Variants in NLGN1 observed in about 807,000 individuals in gnomAD.
The protein encoded by NLGN1 is neuroligin 1.
A neutral mutation model predicts 65.5 loss-of-function variants in NLGN1; 12 were observed. The observed-to-expected ratio is 0.18, with a 90% CI of 0.12 to 0.30. The LOEUF is 0.30. NLGN1 is among the 10% of genes least tolerant of loss of function. NLGN1 has a pLI of 1.00. For synonymous variants in NLGN1, 350 were observed against 359.5 expected (o/e 0.97, Z 0.30); for missense variants, 750 against 1,007.1 (o/e 0.74, Z 3.46).
chr3:173,404,727 C>T (rs1004253180), intron 1 of NLGN1, among the ~76,000 whole-genome samples: 1 of 152,078 alleles, frequency 6.6e-6, no homozygotes. Flanking sequence ...GTTTATTTCA[C>T]AAATCCATTG....
At chr3:173,860,629 T>C (rs1728865007) in intron 4 of NLGN1, among the ~76,000 whole-genome samples, 1 of 152,190 alleles carries the variant, frequency 6.6e-6, no homozygotes, top group Non-Finnish European at 1.5e-5. Context: ...TTGCCCTTGT[T>C]AACAGTGTGA....
At chr3:174,272,974 T>C (rs1423231735) in intron 4 of NLGN1, among the ~76,000 whole-genome samples, 1 of 151,506 alleles carries the variant, frequency 6.6e-6, no homozygotes, top group East Asian at 1.9e-4. Flanking sequence ...AGACTGTATA[T>C]AAAGTAGAAG....
At chr3:173,699,076 A>AAAT (rs1766701905) in intron 3 of NLGN1, among the ~76,000 whole-genome samples, 1 of 151,842 alleles carries the variant, frequency 6.6e-6, no homozygotes, top group Non-Finnish European at 1.5e-5. Flanking sequence ...GGCTGGTCTC[A>AAAT]AATTCCCGAC....
intron 2 of NLGN1, among the ~76,000 whole-genome samples, chr3:173,463,444 A>G (rs1016620890): frequency 1.3e-5 from 2 of 152,182 alleles, no homozygotes; most frequent in African/African-American, 4.8e-5. Context: ...CTTGTGGTAC[A>G]TTCAGTTCCA....
chr3:173,525,917 C>T (rs1399086477), intron 2 of NLGN1, among the ~76,000 whole-genome samples: 2 of 151,942 alleles, frequency 1.3e-5, no homozygotes, highest in Non-Finnish European at 2.9e-5. Context: ...TTCAGAGTTC[C>T]TTTCTGGTAT....
intron 4 of NLGN1, among the ~76,000 whole-genome samples, chr3:173,809,508 C>G (rs1415248880): frequency 6.6e-6 from 1 of 152,064 alleles, no homozygotes. Context: ...AATTGAAATG[C>G]TAAATTATGG....
intron 4 of NLGN1, among the ~76,000 whole-genome samples, chr3:174,161,353 G>A (rs1270944332): frequency 1.3e-5 from 2 of 151,814 alleles, no homozygotes; most frequent in Admixed American, 1.3e-4. Context: ...CAGATAGAAG[G>A]AGCAAAATAT....
At chr3:173,671,280 G>T (rs1041991257) in intron 3 of NLGN1, among the ~76,000 whole-genome samples, 1 of 152,118 alleles carries the variant, frequency 6.6e-6, no homozygotes, top group Non-Finnish European at 1.5e-5. Flanking sequence ...ACCATGGATT[G>T]CGTGAGCCCA....
chr3:173,555,806 T>G (rs1327362527), intron 2 of NLGN1, among the ~76,000 whole-genome samples: 4 of 152,164 alleles, frequency 2.6e-5, no homozygotes, highest in African/African-American at 4.8e-5. Flanking sequence ...GATATCAGGA[T>G]TATACATAAA....
intron 4 of NLGN1, chr3:174,180,905 TG>T (rs1730283471): frequency 7.2e-6 from 1 of 139,374 alleles, no homozygotes; most frequent in Non-Finnish European, 1.5e-5. Context: ...CTTGCTTCTT[TG>T]GGGGAAAAAA....
chr3:174,195,795 A>C (rs989368974), intron 4 of NLGN1, among the ~76,000 whole-genome samples: 10 of 152,090 alleles, frequency 6.6e-5, no homozygotes, highest in African/African-American at 2.2e-4. Context: ...TGGAGAAAAA[A>C]AAACTGCCTT....
At chr3:174,223,680 G>A (rs1430516943) in intron 4 of NLGN1, among the ~76,000 whole-genome samples, 2 of 152,108 alleles carry the variant, frequency 1.3e-5, no homozygotes, top group African/African-American at 4.8e-5. Context: ...TATCTTATAT[G>A]TACCTTTTTA....
upstream of NLGN1, chr3:173,398,038 C>T (rs1338952248): frequency 6.6e-6 from 1 of 152,244 alleles, no homozygotes; most frequent in African/African-American, 2.4e-5. Flanking sequence ...ACCACAGAGA[C>T]CAAGAGCATG....
At chr3:174,202,995 C>T (rs1734763324) in intron 4 of NLGN1, among the ~76,000 whole-genome samples, 1 of 151,956 alleles carries the variant, frequency 6.6e-6, no homozygotes, top group South Asian at 2.1e-4. Flanking sequence ...TTTATTTATT[C>T]ATTCATTCAT....
chr3:173,861,563 CACACACACATATATAT>C (rs1560512032), intron 4 of NLGN1, among the ~76,000 whole-genome samples: 3 of 142,752 alleles, frequency 2.1e-5, no homozygotes, highest in Middle Eastern at 4.0e-3. Flanking sequence ...TGTGTATATA[CACACACACATATATAT>C]ACACACACAT....
At chr3:174,244,688 G>A (rs1404921772) in intron 4 of NLGN1, among the ~76,000 whole-genome samples, 1 of 152,114 alleles carries the variant, frequency 6.6e-6, no homozygotes, top group Non-Finnish European at 1.5e-5. Context: ...TGTAAAATAG[G>A]TATATTGAGT....
intron 2 of NLGN1, among the ~76,000 whole-genome samples, chr3:173,475,951 G>T (rs968382103): frequency 6.6e-6 from 1 of 152,166 alleles, no homozygotes; most frequent in Non-Finnish European, 1.5e-5. Flanking sequence ...GAGATGAAAG[G>T]AAGGAAGCAA....
intron 4 of NLGN1, among the ~76,000 whole-genome samples, chr3:173,960,080 G>A (rs1713164325): frequency 6.6e-6 from 1 of 151,944 alleles, no homozygotes; most frequent in Non-Finnish European, 1.5e-5. Context: ...TTAATATAGT[G>A]CTCTTCAGTT....
intron 3 of NLGN1, among the ~76,000 whole-genome samples, chr3:173,658,173 C>G (rs1560118393): frequency 6.6e-6 from 1 of 151,906 alleles, no homozygotes; most frequent in Non-Finnish European, 1.5e-5. Flanking sequence ...CAAGGCACCC[C>G]ATATAAAACT....
Sources: gnomAD v4.1 joint callset for allele counts (sites outside exome capture counted in the v4.1 genomes callset) on GRCh38, gnomAD v4.1.1 for gene constraint, MANE v1.5 for transcripts, NCBI Gene and HGNC (gene_info 2026-07-23, HGNC 2026-07-21) for gene names.